UBE2D2: variants seen among roughly 807,000 people sequenced by gnomAD.
The protein encoded by UBE2D2 is ubiquitin-conjugating enzyme E2 D2.
UBE2D2 carries 2 observed loss-of-function variants against 24.2 expected under a neutral mutation model. The observed-to-expected ratio is 0.08, with a 90% CI of 0.03 to 0.26. The LOEUF is 0.26. Ranked by LOEUF, UBE2D2 falls within the 10% of genes least tolerant of loss-of-function variation. The pLI, the probability that UBE2D2 is intolerant of heterozygous loss-of-function variation, is 1.00. For missense variants in UBE2D2, 44 were observed against 177.6 expected (o/e 0.25, Z 4.28); for synonymous variants, 58 against 56.5 (o/e 1.03, Z -0.12).
At chr5:139,585,935 C>CAAAAAAAA (rs60277561) in intron 1 of UBE2D2, among the ~76,000 whole-genome samples, 17 of 25,558 alleles carry the variant, frequency 6.7e-4, no homozygotes, top group East Asian at 1.3e-3. Flanking sequence ...GACTCTGTCT[C>CAAAAAAAA]AAAAAAAAAA....
chr5:139,594,227 A>T (rs1416736479), intron 1 of UBE2D2, among the ~76,000 whole-genome samples: 1 of 152,154 alleles, frequency 6.6e-6, no homozygotes, highest in Non-Finnish European at 1.5e-5. Context: ...AATTTTTACC[A>T]ACTAATAGCT....
At chr5:139,585,935 CAAAA>C (rs60277561) in intron 1 of UBE2D2, among the ~76,000 whole-genome samples, 13 of 25,560 alleles carry the variant, frequency 5.1e-4, no homozygotes, top group South Asian at 1.8e-3. Context: ...GACTCTGTCT[CAAAA>C]AAAAAAAAAA....
chr5:139,532,568 G>A (rs1461346102), intron 1 of UBE2D2, among the ~76,000 whole-genome samples: 1 of 151,878 alleles, frequency 6.6e-6, no homozygotes, highest in Non-Finnish European at 1.5e-5. Flanking sequence ...AGCCAGGATG[G>A]TATCAATCTC....
chr5:139,536,784 C>A (rs1752686946), intron 1 of UBE2D2, among the ~76,000 whole-genome samples: 1 of 152,144 alleles, frequency 6.6e-6, no homozygotes, highest in African/African-American at 2.4e-5. Flanking sequence ...GCCACCGCAC[C>A]CGGCCCACTT....
chr5:139,581,651 A>G (rs897237231), intron 1 of UBE2D2, among the ~76,000 whole-genome samples: 26 of 152,094 alleles, frequency 1.7e-4, no homozygotes, highest in African/African-American at 5.3e-4. Flanking sequence ...CCTGAACATA[A>G]TTTTATGTAG....
Position 139,537,963 on chromosome 5 carries a change from CAAA to C in UBE2D2, c.-64+11363_-64+11365del, listed in dbSNP as rs200505310. Among the ~76,000 whole-genome samples, 11 of 132,320 alleles carry C rather than the reference CAAA, an allele frequency of 8.3e-5. No homozygotes were observed. In the South Asian group the frequency reaches 2.1e-3, roughly 26 times the overall value. 86.8% of individuals were successfully genotyped at this position (132,320 alleles called of 152,430 possible). A position where few individuals can be genotyped will look rare whatever the true frequency, so the allele number is the denominator to read the frequency against. Reference sequence around the variant, plus strand: ...TGGGCAACAGAGCGAGACTCCGTCTCAAAAAAAAAAAAAAGAGAAACCTTCCCT... The same window carrying C: ...TGGGCAACAGAGCGAGACTCCGTCTCAAAAAAAAAAAGAGAAACCTTCCCT... On this transcript the variant is annotated intron_variant, in intron 1 of 6. Transcript: ENST00000511725.
At chr5:139,532,188 T>TTGG (rs372413498) in intron 1 of UBE2D2, among the ~76,000 whole-genome samples, 3 of 150,074 alleles carry the variant, frequency 2.0e-5, no homozygotes, top group Non-Finnish European at 3.0e-5. Context: ...TTTTTTTTTT[T>TTGG]GGGGGGGACA....
At chr5:139,592,546 CAG>C (rs2126677763) in intron 1 of UBE2D2, among the ~76,000 whole-genome samples, 1 of 150,192 alleles carries the variant, frequency 6.7e-6, no homozygotes, top group South Asian at 2.1e-4. Context: ...GTCAGTATCT[CAG>C]TTTTGAGAAC....
At chr5:139,617,370 ATTTTTTT>A (rs1292231182) in intron 5 of UBE2D2, among the ~76,000 whole-genome samples, 1 of 102,536 alleles carries the variant, frequency 9.8e-6, no homozygotes, top group Non-Finnish European at 2.0e-5. Context: ...GTGGTGTGTG[ATTTTTTT>A]TTTTTTTTTT....
intron 1 of UBE2D2, among the ~76,000 whole-genome samples, chr5:139,592,551 T>C (rs972346198): frequency 2.6e-5 from 4 of 152,062 alleles, no homozygotes; most frequent in African/African-American, 9.7e-5. Context: ...TATCTCAGTT[T>C]TGAGAACTAC....
At chr5:139,554,116 A>G (rs1308527587) in intron 1 of UBE2D2, among the ~76,000 whole-genome samples, 2 of 152,196 alleles carry the variant, frequency 1.3e-5, no homozygotes, top group Admixed American at 6.5e-5. Context: ...ATAAACTTGT[A>G]TAACCTCCAA....
At chr5:139,533,250 C>G (rs771564935) in intron 1 of UBE2D2, among the ~76,000 whole-genome samples, 1 of 151,824 alleles carries the variant, frequency 6.6e-6, no homozygotes, top group Non-Finnish European at 1.5e-5. Context: ...GTGGTGCAAT[C>G]TCAGCTCACT....
At chr5:139,528,507 C>T (rs1365333651) in intron 1 of UBE2D2, among the ~76,000 whole-genome samples, 1 of 152,188 alleles carries the variant, frequency 6.6e-6, no homozygotes. Flanking sequence ...AACAACTAGA[C>T]GGGGTTTCCA....
intron 1 of UBE2D2, among the ~76,000 whole-genome samples, chr5:139,550,130 A>G (rs1752888642): frequency 2.0e-5 from 3 of 151,290 alleles, no homozygotes; most frequent in Admixed American, 6.6e-5. Context: ...AGGATTGTAA[A>G]TACACCAATC....
At chr5:139,565,709 T>G (rs1753200710) in intron 1 of UBE2D2, among the ~76,000 whole-genome samples, 1 of 152,206 alleles carries the variant, frequency 6.6e-6, no homozygotes, top group Non-Finnish European at 1.5e-5. Context: ...CTTTCTGACT[T>G]GCTTCCTGTT....
In UBE2D2 at chr5:139,561,747, CG is replaced by C; in HGVS notation, c.-44del. ...CCTAGCCCCTTCCCCGTCCCTTCCC[CG>C]CCCCCGTCCCCGCCCCGGGGGCCGC... On this transcript the variant is annotated 5_prime_UTR_variant, in exon 1 of 7. Coordinates refer to ENST00000398733, the MANE Select transcript of UBE2D2 (RefSeq NM_003339.3). 102 of 1,417,938 alleles carry C rather than the reference CG, an allele frequency of 7.2e-5. No homozygotes were observed. Among genetic ancestry groups the C allele is most frequent in the Non-Finnish European group, 9.2e-5 (98 of 1,065,742 alleles). The allele number at this position is 1,417,938 out of a possible 1,614,324, so 87.8% of individuals were successfully genotyped here.
chr5:139,573,617 A>C (rs1237446708), intron 1 of UBE2D2, among the ~76,000 whole-genome samples: 1 of 151,970 alleles, frequency 6.6e-6, no homozygotes, highest in Non-Finnish European at 1.5e-5. Context: ...GCTTGTGTTT[A>C]TTTTGAAATA....
intron 1 of UBE2D2, among the ~76,000 whole-genome samples, chr5:139,576,292 G>A (rs1353070172): frequency 6.6e-6 from 1 of 152,166 alleles, no homozygotes; most frequent in South Asian, 2.1e-4. Context: ...TACTCTGGAT[G>A]TTCTAGGGGA....
At chr5:139,593,906 G>A (rs61480215) in intron 1 of UBE2D2, among the ~76,000 whole-genome samples, 6 of 152,272 alleles carry the variant, frequency 3.9e-5, no homozygotes, top group South Asian at 4.1e-4. Context: ...ATGAGCCACC[G>A]TGCCTAGCCC....
Sources: gnomAD v4.1 joint callset for allele counts (sites outside exome capture counted in the v4.1 genomes callset) on GRCh38, gnomAD v4.1.1 for gene constraint, MANE v1.5 for transcripts, NCBI Gene and HGNC (gene_info 2026-07-23, HGNC 2026-07-21) for gene names.